The following ZSWIM8 variants were observed in gnomAD, a reference collection of about 807,000 sequenced individuals.
The protein encoded by ZSWIM8 is zinc finger SWIM-type containing 8.
ZSWIM8 carries 27 observed loss-of-function variants against 173.7 expected under a neutral mutation model. The ratio of observed to expected loss-of-function variants is 0.16; its 90% CI spans 0.11 to 0.21. The LOEUF (loss-of-function observed/expected upper bound fraction) is 0.21. ZSWIM8 is among the 10% of genes least tolerant of loss of function. The probability of loss-of-function intolerance (pLI) is 1.00; values close to 1 mark genes in which losing one functional copy is unlikely to be tolerated. For synonymous variants in ZSWIM8, 958 were observed against 962.0 expected, an observed-to-expected ratio of 1.00 and a Z score of 0.08; for missense variants, 1,627 against 2,428.8, an observed-to-expected ratio of 0.67 and a Z score of 6.94.
At position 73,785,869 on chromosome 10, in the gene ZSWIM8, T is replaced by C. The variant is rs1275871383; in HGVS notation, c.-10T>C. 2 of 1,487,886 alleles carry C rather than the reference T, an allele frequency of 1.3e-6. No homozygotes were observed. Among genetic ancestry groups the C allele is most frequent in the South Asian group, 1.3e-5 (1 of 76,574 alleles). The allele number at this position is 1,487,886 out of a possible 1,614,324, so 92.2% of individuals were successfully genotyped here. A position where few individuals can be genotyped will look rare whatever the true frequency, so the allele number is the denominator to read the frequency against. On this transcript the variant is annotated 5_prime_UTR_variant, in exon 1 of 26. Coordinates refer to ENST00000604729, the MANE Select transcript of ZSWIM8 (RefSeq NM_001367799.1). ...CGGGGGGGGACCCGGCCCCGGGGGG[T>C]GCGGGCCCCATGGAGCTGATGTTTG...
Position 73,799,352 on chromosome 10 carries a change from C to T in ZSWIM8, c.4527C>T (p.Gly1509=). ...GACTGGGGCATGGCCACTCCCCTGG[C>T]CTGCACCCCTACACTGCTCTACAGC... ...GPGLGHGHSP[G]LHPYTALQPH... The change falls in exon 21 of 26, where the codon GGC becomes GGT. Residue 1509 remains glycine (G), a synonymous_variant. Transcript: ENST00000604729. 2 of 1,611,472 alleles carry T rather than the reference C, an allele frequency of 1.2e-6. No homozygotes were observed. The highest frequency in any genetic ancestry group is 8.5e-7 in the Non-Finnish European group (1 of 1,178,958).
intron 1 of ZSWIM8, among the ~76,000 whole-genome samples, chr10:73,787,697 C>G (rs943980158): frequency 1.3e-5 from 2 of 151,904 alleles, no homozygotes; most frequent in Non-Finnish European, 2.9e-5. Context: ...ACTAAAAATA[C>G]AAAAGATTCG....
rs560683982 is a variant in ZSWIM8, at chr10:73,798,312, A to G, written c.4035A>G (p.Ala1345=). The G allele has an allele frequency of 1.7e-5, 27 of 1,614,032 alleles. No individual in the cohort carries two copies. The East Asian group carries it at 3.8e-4, about 23-fold the overall frequency. Residue 1345 remains alanine (A), a synonymous_variant, in exon 20 of 26, where the codon GCA becomes GCG. Coordinates refer to ENST00000604729, the MANE Select transcript of ZSWIM8 (RefSeq NM_001367799.1). ...GGCACCTGACACCCCCTGAGGTTGC[A>G]TCCCTGGCTGACAGGGCATCACGGG... ...WDGHLTPPEV[A]SLADRASRAR... is the part of the protein sequence containing the mutation.
At chr10:73,786,369 G>C (rs1356120279) in intron 1 of ZSWIM8, 1 of 378,570 alleles carries the variant, frequency 2.6e-6, no homozygotes, top group Admixed American at 4.6e-5. Context: ...TGCGCGCGCT[G>C]TGACAGGGAG....
In ZSWIM8 at chr10:73,799,903, A is replaced by G. The variant is rs1360722620; in HGVS notation, c.4666-108A>G. The G allele has an allele frequency of 2.0e-5, 14 of 715,574 alleles. No homozygotes were observed. In the South Asian group the frequency reaches 2.1e-4, roughly 11 times the overall value. 44.3% of individuals were successfully genotyped at this position (715,574 alleles called of 1,614,324 possible). ...ACTCCAGCCTGGAGGACAGAGCGAGACTCTATCTCAAAAAAAACATGTCAG... is the reference window on the plus strand; with the variant it reads ...ACTCCAGCCTGGAGGACAGAGCGAGGCTCTATCTCAAAAAAAACATGTCAG... On this transcript the variant is annotated intron_variant, in intron 21 of 25. Transcript: ENST00000604729.
chr10:73,796,287 T>TAC (rs1255097165), intron 15 of ZSWIM8: 1 of 291,006 alleles, frequency 3.4e-6, no homozygotes, highest in Non-Finnish European at 6.9e-6. Flanking sequence ...AGTTTGAGGC[T>TAC]ACAGTGAGCT....
At position 73,801,626 on chromosome 10, in the gene ZSWIM8, C is replaced by T. The variant is rs984656573; in HGVS notation, c.*107C>T. The T allele has an allele frequency of 6.5e-7, 1 of 1,540,036 alleles. No homozygotes were observed. The highest frequency in any genetic ancestry group is 8.7e-7 in the Non-Finnish European group (1 of 1,148,290). Reference sequence around the variant, plus strand: ...TGGACAGATCATCCTCACTCAGTTCCCTGGTAGCACAGACTGACAGCTGCT... The same window carrying T: ...TGGACAGATCATCCTCACTCAGTTCTCTGGTAGCACAGACTGACAGCTGCT... On this transcript the variant is annotated 3_prime_UTR_variant, in exon 26 of 26. Coordinates refer to ENST00000604729, the MANE Select transcript of ZSWIM8 (RefSeq NM_001367799.1). This position sits in a 1 kb window ranked among gnomAD's most constrained non-coding sequence, Gnocchi z 4.9.
rs116344806 is a variant in ZSWIM8 at position 73,798,185 on chromosome 10, G to C, written c.3953-45G>C. 5.6e-4 allele frequency: 902 copies of C among 1,607,396 alleles called. 3 individuals carry two copies. In the African/African-American group the frequency reaches 0.01, roughly 18 times the overall value. ...AAGACATTATTCTCACACCCCAGTG[G>C]TGCCCACACTAACCCAACTCTGCCC... On this transcript the variant is annotated intron_variant, in intron 19 of 25. Coordinates refer to ENST00000604729, the MANE Select transcript of ZSWIM8 (RefSeq NM_001367799.1).
intron 1 of ZSWIM8, among the ~76,000 whole-genome samples, chr10:73,787,300 G>A (rs1363573892): frequency 1.3e-5 from 2 of 152,188 alleles, no homozygotes; most frequent in South Asian, 2.1e-4. Context: ...GTTGGAGAGA[G>A]GATATGGCCT....
chr10:73,790,674 C>T (rs1378453210), intron 7 of ZSWIM8, among the ~76,000 whole-genome samples: 1 of 152,092 alleles, frequency 6.6e-6, no homozygotes, highest in Non-Finnish European at 1.5e-5. Flanking sequence ...CATGGCGAAT[C>T]TCCATCTCTA....
chr10:73,792,746 C>T lies in ZSWIM8; in HGVS notation c.2207C>T (p.Ala736Val), dbSNP rs1413650174. The change falls in exon 10 of 26, where the codon GCC (alanine) becomes GTC (valine). Residue 736 changes from alanine to valine, a missense_variant. Physicochemically the swap from Ala to Val is moderately conservative, Grantham distance 64 (BLOSUM62 0). Around this residue, in one of 18 missense-constraint regions of ZSWIM8, gnomAD observed 383 missense variants for 394.8 expected, o/e 0.97. Coordinates refer to ENST00000604729, the MANE Select transcript of ZSWIM8 (RefSeq NM_001367799.1). This position sits in a 1 kb window ranked among gnomAD's most constrained non-coding sequence, Gnocchi z 4.3. ...GACTACCAGGCGTACTATCTGAATG[C>T]CCAGGATGGGGCTGGGGGCGAGGAA... ...DDDYQAYYLN[A>V]QDGAGGEEEK... 4 of 1,613,214 alleles carry T rather than the reference C, an allele frequency of 2.5e-6. No homozygotes were observed. Among genetic ancestry groups the T allele is most frequent in the Non-Finnish European group, 3.4e-6 (4 of 1,179,866 alleles).
Position 73,789,890 on chromosome 10 carries a change from T to G in ZSWIM8, c.738+66T>G. 1 of 1,588,026 alleles carries G rather than the reference T, an allele frequency of 6.3e-7. No individual in the cohort carries two copies. Among genetic ancestry groups the G allele is most frequent in the Non-Finnish European group, 8.6e-7 (1 of 1,165,574 alleles). ...CCAGGCCGCATAACAGCCTTCCTGT[T>G]AGGCCCAGGCCTCCATGGGTTCACC... On this transcript the variant is annotated intron_variant, in intron 5 of 25. Coordinates refer to ENST00000604729, the MANE Select transcript of ZSWIM8 (RefSeq NM_001367799.1). The surrounding 1 kb of genome is among the most constrained non-coding windows in gnomAD (Gnocchi z 6.8).
In ZSWIM8 at chr10:73,800,708, C is replaced by A. The variant is rs752403680; in HGVS notation, c.5071C>A (p.Pro1691Thr). Residue 1691 changes from proline (P) to threonine (T), a missense_variant, in exon 24 of 26, where the codon CCC (proline) becomes ACC (threonine). By Grantham distance (38) the Pro-to-Thr change is conservative. Around this residue, in one of 18 missense-constraint regions of ZSWIM8, gnomAD observed 30 missense variants for 20.9 expected, o/e 1.44. Transcript: ENST00000604729. This position sits in a 1 kb window ranked among gnomAD's most constrained non-coding sequence, Gnocchi z 4.1. ...TCACCCCAACAACTTCTCCCGCTCC[C>A]CCCCCTACACTGATGATGTCAAATG... ...NDHPNNFSRSPPYTDDVKWLL... is the reference protein window; with the variant it reads ...NDHPNNFSRSTPYTDDVKWLL... The A allele has an allele frequency of 2.5e-6, 4 of 1,613,832 alleles. No homozygotes were observed. Among genetic ancestry groups the A allele is most frequent in the Non-Finnish European group, 1.7e-6 (2 of 1,179,810 alleles).
At position 73,789,713 on chromosome 10, in the gene ZSWIM8, T is replaced by C; in HGVS notation, c.631-4T>C. ...TGTTCCATTTTTCTCTGTGTCCCCTTCAGGCTTCTGCAGTCTGCCTGCGAG... is the reference window on the plus strand; with the variant it reads ...TGTTCCATTTTTCTCTGTGTCCCCTCCAGGCTTCTGCAGTCTGCCTGCGAG... On this transcript the variant is annotated splice_polypyrimidine_tract_variant and splice_region_variant and intron_variant, in intron 4 of 25. Transcript: ENST00000604729. This position sits in a 1 kb window ranked among gnomAD's most constrained non-coding sequence, Gnocchi z 6.8. 6.3e-7 allele frequency: 1 copy of C among 1,595,270 alleles called. No homozygotes were observed. The highest frequency in any genetic ancestry group is 8.5e-7 in the Non-Finnish European group (1 of 1,171,060).
In ZSWIM8 at chr10:73,791,738, G is replaced by A; in HGVS notation, c.1320-121G>A. ...CCAGTGTTTCAGTGATGCTTATGGG[G>A]CTGGGTCAAGAAGTACTTTCCTGTA... is the stretch of plus-strand genomic sequence containing the variant. On this transcript the variant is annotated intron_variant, in intron 9 of 25. Coordinates refer to ENST00000604729, the MANE Select transcript of ZSWIM8 (RefSeq NM_001367799.1). This position sits in a 1 kb window ranked among gnomAD's most constrained non-coding sequence, Gnocchi z 6.0. The A allele has an allele frequency of 7.4e-7, 1 of 1,353,566 alleles. No individual in the cohort carries two copies. The allele number at this position is 1,353,566 out of a possible 1,614,324, so 83.8% of individuals were successfully genotyped here.
Position 73,791,755 on chromosome 10 carries a change from T to C in ZSWIM8, c.1320-104T>C. ...CTTATGGGGCTGGGTCAAGAAGTAC[T>C]TTCCTGTATCCTTTCCCCATGCCTC... On this transcript the variant is annotated intron_variant, in intron 9 of 25. Coordinates refer to ENST00000604729, the MANE Select transcript of ZSWIM8 (RefSeq NM_001367799.1). The surrounding 1 kb of genome is among the most constrained non-coding windows in gnomAD (Gnocchi z 6.0). The C allele has an allele frequency of 1.4e-6, 2 of 1,410,028 alleles. No homozygotes were observed. The highest frequency in any genetic ancestry group is 2.9e-5 in the Admixed American group (1 of 34,162). The allele number at this position is 1,410,028 out of a possible 1,614,324, so 87.3% of individuals were successfully genotyped here. A position where few individuals can be genotyped will look rare whatever the true frequency, so the allele number is the denominator to read the frequency against.
chr10:73,794,958 GC>G (rs2083568607), intron 14 of ZSWIM8: 2 of 189,096 alleles, frequency 1.1e-5, no homozygotes, highest in Non-Finnish European at 1.1e-5. Flanking sequence ...AAAAAAATTA[GC>G]CAGGTGTGGT....
rs1223944407 is a variant in ZSWIM8 at position 73,801,202 on chromosome 10, A to G, written c.5301+7A>G. 1.2e-6 allele frequency: 2 copies of G among 1,601,720 alleles called. No homozygotes were observed. Among genetic ancestry groups the G allele is most frequent in the East Asian group, 4.5e-5 (2 of 44,288 alleles). ...CCAGCAGGCATACATGCAGGTGACA[A>G]CCTAGAATTATGGAGCAGGGTGGAG... On this transcript the variant is annotated splice_region_variant and intron_variant, in intron 25 of 25. Coordinates refer to ENST00000604729, the MANE Select transcript of ZSWIM8 (RefSeq NM_001367799.1). The surrounding 1 kb of genome is among the most constrained non-coding windows in gnomAD (Gnocchi z 4.9).
At chr10:73,790,889 C>A in intron 7 of ZSWIM8, 86 bp from the exon 8 acceptor site, 2 of 1,297,492 alleles carry the variant, frequency 1.5e-6, no homozygotes, top group Non-Finnish European at 2.1e-6. Flanking sequence ...TTCCCTCTAT[C>A]TTCTGTATTT....
Sources: allele counts gnomAD v4.1 joint callset (sites outside exome capture counted in the v4.1 genomes callset), GRCh38; gene constraint gnomAD v4.1.1; regional missense constraint gnomAD v4.1.1; non-coding constraint Gnocchi (gnomAD v3.1); transcripts MANE v1.5; gene names NCBI Gene and HGNC (gene_info 2026-07-23, HGNC 2026-07-21).